Variants in SEC31B observed in about 807,000 individuals in gnomAD.
SEC31B encodes SEC31 homolog B, COPII component.
SEC31B carries 113 observed loss-of-function variants against 135.0 expected under a neutral mutation model. That is an observed-to-expected ratio of 0.84 (90% CI 0.72 to 0.98). The LOEUF (loss-of-function observed/expected upper bound fraction) is 0.98, where lower values mean the gene tolerates loss of function less well. SEC31B is among the 50% of genes least tolerant of loss of function. The probability of loss-of-function intolerance (pLI) is 0.00; values close to 1 mark genes in which losing one functional copy is unlikely to be tolerated. For synonymous variants in SEC31B, 508 were observed against 549.4 expected, an observed-to-expected ratio of 0.92 and a Z score of 1.05; for missense variants, 1,296 against 1,421.1, an observed-to-expected ratio of 0.91 and a Z score of 1.42.
chr10:100,513,140 T>C (rs144953604), intron 3 of SEC31B, among the ~76,000 whole-genome samples: 248 of 152,350 alleles, frequency 1.6e-3, no homozygotes, highest in African/African-American at 5.5e-3. Context: ...ACCCTGGGTG[T>C]CTAAGATGAT....
chr10:100,509,447 C>T lies in SEC31B; in HGVS notation c.268G>A (p.Gly90Ser), dbSNP rs1156661818. 3.7e-6 allele frequency: 6 copies of T among 1,614,020 alleles called. No homozygotes were observed. Among genetic ancestry groups the T allele is most frequent in the Non-Finnish European group, 5.1e-6 (6 of 1,180,030 alleles). ...ATAAGCATGCCATTGTCCCCGCCGC[C>T]AACAATAACCCCGGAGCTTTCCAGA... ...GLLESSGVIV[G>S]GGDNGMLILY... is the part of the protein sequence containing the mutation. The change falls in exon 4 of 26, where the codon GGC becomes AGC. Residue 90 changes from glycine (G) to serine (S), a missense_variant. Transcript: ENST00000370345.
chr10:100,487,832 C>T, intron 25 of SEC31B, 37 bp from the exon 26 acceptor site: 6 of 1,610,170 alleles, frequency 3.7e-6, no homozygotes, highest in South Asian at 2.2e-5. Context: ...GTGAGCCCAA[C>T]CCAGCTCCTA....
At position 100,509,382 on chromosome 10, in the gene SEC31B, C is replaced by G. The variant is rs574714470; in HGVS notation, c.333G>C (p.Glu111Asp). The G allele has an allele frequency of 1.9e-6, 3 of 1,614,166 alleles. No individual in the cohort carries two copies. The highest frequency in any genetic ancestry group is 2.2e-5 in the South Asian group (2 of 91,080). Residue 111 changes from glutamate (E) to aspartate (D), a missense_variant, in exon 4 of 26, where the codon GAG (glutamate) becomes GAC (aspartate). Coordinates refer to ENST00000370345, the MANE Select transcript of SEC31B (RefSeq NM_015490.4). ...GCTTCTGTTTCTGAGCAATCACAGG[C>G]TCCTTCCCCGAAGACAGGATGTGGG... ...NVTHILSSGKEPVIAQKQKHT... is the reference protein window; with the variant it reads ...NVTHILSSGKDPVIAQKQKHT...
At position 100,498,300 on chromosome 10, in the gene SEC31B, T is replaced by C. The variant is rs182396387; in HGVS notation, c.1685-93A>G. On this transcript the variant is annotated intron_variant, in intron 14 of 25. Transcript: ENST00000370345. ...CCACAGCACACCCTCTATATCTCTATATCACTCAGTGTGCTTGGCTCCAAA... is the reference window on the plus strand; with the variant it reads ...CCACAGCACACCCTCTATATCTCTACATCACTCAGTGTGCTTGGCTCCAAA... The C allele has an allele frequency of 2.0e-4, 234 of 1,179,198 alleles. No individual in the cohort carries two copies. The African/African-American group carries it at 2.7e-3, about 14-fold the overall frequency. 73.0% of individuals were successfully genotyped at this position (1,179,198 alleles called of 1,614,324 possible).
intron 6 of SEC31B, 131 bp from the exon 7 acceptor site, chr10:100,507,698 C>T: frequency 1.5e-6 from 2 of 1,352,460 alleles, no homozygotes; most frequent in Non-Finnish European, 2.1e-6. Context: ...AGAGTGATGG[C>T]CAGGAATAAG....
In SEC31B at chr10:100,502,326, T is replaced by G. The variant is rs1851538578; in HGVS notation, c.1338A>C (p.Leu446=). The change falls in exon 11 of 26, where the codon CTA becomes CTC. Residue 446 remains leucine, a synonymous_variant. Transcript: ENST00000370345. The part of the protein sequence containing the change: ...ELQEALGSGN[L]LNYCQNKSQQ... ...GGCTCTTGTTCTGACAGTAATTCAG[T>G]AGATTTCCTGATCCCAAGGCCTCCT... 1 of 1,614,078 alleles carries G rather than the reference T, an allele frequency of 6.2e-7. No homozygotes were observed.
intron 7 of SEC31B, 161 bp from the exon 8 acceptor site, chr10:100,506,581 GA>G: frequency 1.5e-6 from 1 of 665,044 alleles, no homozygotes; most frequent in South Asian, 2.0e-5. Flanking sequence ...ATGAGGTTTT[GA>G]AAAATTAAGT....
intron 4 of SEC31B, 106 bp from the exon 5 acceptor site, chr10:100,509,208 C>A: frequency 6.7e-7 from 1 of 1,492,800 alleles, no homozygotes; most frequent in Non-Finnish European, 9.3e-7. Flanking sequence ...TCCCCTGAAA[C>A]AGCCTGGAAA....
In SEC31B at chr10:100,505,429, C is replaced by T. The variant is rs778023087; in HGVS notation, c.1111G>A (p.Ala371Thr). 3.1e-5 allele frequency: 50 copies of T among 1,600,996 alleles called. No individual in the cohort carries two copies. In the Middle Eastern group the frequency reaches 8.3e-4, roughly 27 times the overall value. The part of the protein sequence containing the change: ...PLQVPEQVAQ[A>T]PLIPPLKKPP... Reference sequence around the variant, plus strand: ...TTTTTCAGGGGAGGTATCAGTGGTGCTTGTGCCACTTGCTCTGGCACCTGC... The same window carrying T: ...TTTTTCAGGGGAGGTATCAGTGGTGTTTGTGCCACTTGCTCTGGCACCTGC... Residue 371 changes from alanine to threonine, a missense_variant, in exon 10 of 26, where the codon GCA (alanine) becomes ACA (threonine). Transcript: ENST00000370345.
intron 6 of SEC31B, 110 bp from the exon 7 acceptor site, chr10:100,507,677 A>T: frequency 6.9e-7 from 1 of 1,454,874 alleles, no homozygotes; most frequent in Non-Finnish European, 9.5e-7. Context: ...TGGGAACACC[A>T]CAGGCATCAG....
chr10:100,500,595 C>T (rs1043124005), intron 11 of SEC31B, among the ~76,000 whole-genome samples: 8 of 152,020 alleles, frequency 5.3e-5, no homozygotes, highest in East Asian at 1.9e-4. Flanking sequence ...GGATTACAGG[C>T]GTGAGCCACC....
Position 100,499,535 on chromosome 10 carries a change from G to C in SEC31B, c.1474C>G (p.Leu492Val). ...LKLLGYSKDELQKKVATWLKS... is the reference protein window; with the variant it reads ...LKLLGYSKDEVQKKVATWLKS... ...GAAAAGCAGCTTACCTTCTTCTGAA[G>C]CTCATCTTTACTGTATCCTAAAAGC... Residue 492 changes from leucine to valine, a missense_variant, in exon 12 of 26, where the codon CTT becomes GTT. Leu to Val is a conservative substitution (Grantham distance 32). Transcript: ENST00000370345. 6.2e-7 allele frequency: 1 copy of C among 1,608,240 alleles called. No individual in the cohort carries two copies. Among genetic ancestry groups the C allele is most frequent in the Non-Finnish European group, 8.5e-7 (1 of 1,177,730 alleles).
intron 19 of SEC31B, among the ~76,000 whole-genome samples, chr10:100,493,888 C>T (rs1224435298): frequency 2.6e-5 from 4 of 151,270 alleles, no homozygotes; most frequent in Non-Finnish European, 5.9e-5. Flanking sequence ...GGAGACATCC[C>T]AGTACATTTC....
At chr10:100,513,948 G>A (rs1362666807) in intron 3 of SEC31B, among the ~76,000 whole-genome samples, 1 of 151,936 alleles carries the variant, frequency 6.6e-6, no homozygotes, top group Non-Finnish European at 1.5e-5. Flanking sequence ...ACTTTGGGAG[G>A]CCGAGGTGGT....
chr10:100,514,042 G>C (rs1851782043), intron 3 of SEC31B, among the ~76,000 whole-genome samples: 1 of 151,788 alleles, frequency 6.6e-6, no homozygotes, highest in South Asian at 2.1e-4. Flanking sequence ...AAAATTAGCT[G>C]GGCATGGTGG....
chr10:100,497,917 G>C, intron 15 of SEC31B, 112 bp downstream of exon 15: 9 of 1,581,856 alleles, frequency 5.7e-6, no homozygotes, highest in Non-Finnish European at 7.8e-6. Context: ...GGTGGTTAGA[G>C]TAGAAAGAGA....
Position 100,487,306 on chromosome 10 carries a change from G to T in SEC31B, c.*310C>A. ...CACCCTCTCAGAAGCCACTTAAATA[G>T]AAGATCCCTGGGGGAGAAGATATCC... On this transcript the variant is annotated 3_prime_UTR_variant, in exon 26 of 26. Coordinates refer to ENST00000370345, the MANE Select transcript of SEC31B (RefSeq NM_015490.4). 1 of 328,330 alleles carries T rather than the reference G, an allele frequency of 3.0e-6. No individual in the cohort carries two copies. Among genetic ancestry groups the T allele is most frequent in the South Asian group, 3.7e-5 (1 of 27,258 alleles). 20.3% of individuals were successfully genotyped at this position (328,330 alleles called of 1,614,324 possible).
intron 3 of SEC31B, among the ~76,000 whole-genome samples, chr10:100,510,711 G>C (rs1432190315): frequency 6.6e-6 from 1 of 152,242 alleles, no homozygotes; most frequent in African/African-American, 2.4e-5. Context: ...CCAGTCACTG[G>C]AGCAGAGCCA....
In SEC31B at chr10:100,487,786, G is replaced by A. The variant is rs769753359; in HGVS notation, c.3370C>T (p.His1124Tyr). The change falls in exon 26 of 26, where the codon CAT (histidine) becomes TAT (tyrosine). Residue 1124 changes from histidine to tyrosine, a missense_variant. Transcript: ENST00000370345. The part of the protein sequence containing the change: ...EKLCEGTLSP[H>Y]VVAGLHEVAR... ...ACCTCATGGAGCCCAGCCACGACAT[G>A]AGGTGAGAGCTGTGGAGGGAATGAC... is the stretch of plus-strand genomic sequence containing the variant. 4 of 1,614,028 alleles carry A rather than the reference G, an allele frequency of 2.5e-6. No individual in the cohort carries two copies. Among genetic ancestry groups the A allele is most frequent in the Non-Finnish European group, 3.4e-6 (4 of 1,179,990 alleles).
Sources: allele counts gnomAD v4.1 joint callset (sites outside exome capture counted in the v4.1 genomes callset), GRCh38; gene constraint gnomAD v4.1.1; transcripts MANE v1.5; gene names NCBI Gene and HGNC (gene_info 2026-07-23, HGNC 2026-07-21).